The following SOD2 variants were observed in gnomAD, a reference collection of about 807,000 sequenced individuals.
SOD2 encodes the protein superoxide dismutase 2.
In SOD2, 11 loss-of-function variants were observed where a neutral mutation model predicts 27.0. The observed-to-expected ratio is 0.41, with a 90% CI of 0.26 to 0.67. SOD2 has a LOEUF of 0.67. Ranked by LOEUF, SOD2 falls within the 30% of genes least tolerant of loss-of-function variation. SOD2 has a pLI of 0.34. For missense variants in SOD2, 250 were observed against 274.5 expected (o/e 0.91, Z 0.63); for synonymous variants, 105 against 103.0 (o/e 1.02, Z -0.12).
chr6:159,758,256 A>AG (rs1491263143), intron 1 of SOD2, among the ~76,000 whole-genome samples: 11 of 67,786 alleles, frequency 1.6e-4, no homozygotes, highest in African/African-American at 1.1e-3. Context: ...GGCTGCTGTG[A>AG]AAAAAAAAAA....
At chr6:159,722,997 G>C (rs925879192) in intron 1 of SOD2, among the ~76,000 whole-genome samples, 7 of 152,162 alleles carry the variant, frequency 4.6e-5, no homozygotes, top group African/African-American at 1.4e-4. Context: ...CAAGACCATA[G>C]GATGCCAACT....
At chr6:159,754,943 C>T (rs545558280) in intron 1 of SOD2, 3 of 1,345,048 alleles carry the variant, frequency 2.2e-6, no homozygotes, top group Non-Finnish European at 3.0e-6. Flanking sequence ...CGTTTATTGA[C>T]TCCCTTGCTT....
intron 1 of SOD2, among the ~76,000 whole-genome samples, chr6:159,712,333 C>CATAA: frequency 2.0e-5 from 3 of 146,890 alleles, no homozygotes; most frequent in Admixed American, 6.8e-5. Flanking sequence ...CTCTGATCAC[C>CATAA]CTAACCACCT....
At chr6:159,727,377 C>CA (rs749516659), upstream of SOD2, 24 of 536,514 alleles carry the variant, frequency 4.5e-5, 1 homozygote, top group South Asian at 2.3e-4. Context: ...GGGAGGCTGG[C>CA]GGGAGGCGGG....
chr6:159,756,958 T>C (rs939763234), intron 1 of SOD2, among the ~76,000 whole-genome samples: 7 of 152,174 alleles, frequency 4.6e-5, no homozygotes, highest in African/African-American at 1.7e-4. Flanking sequence ...TGATTTCAAG[T>C]AGAGTATCTT....
chr6:159,761,932 C>T (rs2114971570), exon 1 of SOD2: 2 of 900,124 alleles, frequency 2.2e-6, no homozygotes, highest in Admixed American at 2.2e-5. Context: ...CTTGCGCCTG[C>T]GCACAGTGGG....
intron 1 of SOD2, among the ~76,000 whole-genome samples, chr6:159,737,948 A>G (rs762606084): frequency 2.6e-5 from 4 of 151,446 alleles, no homozygotes; most frequent in Admixed American, 1.3e-4. Flanking sequence ...AGTTGCAAAT[A>G]AATGTACAGA....
At position 159,682,339 on chromosome 6, in the gene SOD2, G is replaced by C. The variant is rs1244536678; in HGVS notation, c.*154C>G. The stretch of plus-strand genomic sequence containing the variant: ...TGCCCAATAACAAAATGTTTAGTAA[G>C]AAATTATTCAGAACATTAAGTTGTT... On this transcript the variant is annotated 3_prime_UTR_variant, in exon 5 of 5. Transcript: ENST00000538183. 2 of 536,366 alleles carry C rather than the reference G, an allele frequency of 3.7e-6. No homozygotes were observed. The highest frequency in any genetic ancestry group is 6.8e-5 in the East Asian group (2 of 29,198). 33.2% of individuals were successfully genotyped at this position (536,366 alleles called of 1,614,324 possible). A position where few individuals can be genotyped will look rare whatever the true frequency, so the allele number is the denominator to read the frequency against.
In SOD2 at chr6:159,714,075, C is replaced by CTA. The variant is rs1306792073; in HGVS notation, c.-116+13052_-116+13053dup. 18 of 605,336 alleles carry CTA rather than the reference C, an allele frequency of 3.0e-5. No individual in the cohort carries two copies. The African/African-American group carries it at 3.3e-4, about 11-fold the overall frequency. The allele number at this position is 605,336 out of a possible 1,614,324, so 37.5% of individuals were successfully genotyped here. On this transcript the variant is annotated intron_variant, in intron 1 of 2. Coordinates refer to the SOD2 transcript ENST00000401980. ...TATCCTCCTTCTGCCTTCAAATGGG[C>CTA]TATAGCAAGATGACAAGCAGAACTA...
upstream of SOD2, among the ~76,000 whole-genome samples, chr6:159,693,534 G>A (rs1339599279): frequency 1.3e-5 from 2 of 152,152 alleles, no homozygotes; most frequent in African/African-American, 2.4e-5. Context: ...GGCGGCCCCT[G>A]CCCCCGTGGA....
intron 1 of SOD2, among the ~76,000 whole-genome samples, chr6:159,711,659 T>C (rs1296773151): frequency 8.2e-5 from 4 of 49,078 alleles, no homozygotes; most frequent in African/African-American, 1.6e-4. Flanking sequence ...ATACCACCAC[T>C]CACATTGCTC....
chr6:159,727,313 C>T (rs1166364851), exon 1 of SOD2: 3 of 1,272,282 alleles, frequency 2.4e-6, no homozygotes, highest in East Asian at 5.8e-5. Context: ...ACTGCGGCCA[C>T]GCCTGAAAGG....
intron 1 of SOD2, among the ~76,000 whole-genome samples, chr6:159,737,775 A>G (rs192287926): frequency 4.6e-5 from 7 of 152,330 alleles, no homozygotes; most frequent in Admixed American, 1.3e-4. Flanking sequence ...CATGAGCCAC[A>G]ATGCCCAGCC....
At chr6:159,754,815 C>A (rs573764191) in intron 1 of SOD2, among the ~76,000 whole-genome samples, 1 of 152,052 alleles carries the variant, frequency 6.6e-6, no homozygotes, top group Non-Finnish European at 1.5e-5. Flanking sequence ...TGTGGAGGGC[C>A]AACTGTATAT....
rs748336030 is a variant in SOD2 at position 159,685,046 on chromosome 6, A to G, written c.344-13T>C. ...TCCAGCAACTCCCCTATTAAAAAAAAAATCCAAAACCACCCACAAATGAAC... is the reference window on the plus strand; with the variant it reads ...TCCAGCAACTCCCCTATTAAAAAAAGAATCCAAAACCACCCACAAATGAAC... On this transcript the variant is annotated splice_polypyrimidine_tract_variant and intron_variant, in intron 3 of 4. Transcript: ENST00000538183. The G allele has an allele frequency of 3.8e-6, 6 of 1,575,174 alleles. No homozygotes were observed. The East Asian group carries it at 1.4e-4, about 35-fold the overall frequency.
Position 159,688,099 on chromosome 6 carries a change from GATAAGGGTGCACCA to G in SOD2, c.343+13_343+26del. 3.4e-6 allele frequency: 4 copies of G among 1,177,984 alleles called. No individual in the cohort carries two copies. In the South Asian group the frequency reaches 4.9e-5, roughly 14 times the overall value. The allele number at this position is 1,177,984 out of a possible 1,614,324, so 73.0% of individuals were successfully genotyped here. On this transcript the variant is annotated intron_variant, in intron 3 of 4. Coordinates refer to ENST00000538183, the MANE Select transcript of SOD2 (RefSeq NM_000636.4). ...CGATTCCTACTGTGCACAAAATGTA[GATAAGGGTGCACCA>G]ATATATACCAACCTTTGGGTTCTCC... is the stretch of plus-strand genomic sequence containing the variant.
chr6:159,744,682 G>T (rs576004388), intron 1 of SOD2, among the ~76,000 whole-genome samples: 63 of 152,232 alleles, frequency 4.1e-4, no homozygotes, highest in African/African-American at 1.5e-3. Context: ...TTTGCTAAAG[G>T]CTGGCTTTTA....
intron 1 of SOD2, among the ~76,000 whole-genome samples, chr6:159,712,247 ACCCTAACCACCT>A (rs1777812395): frequency 8.8e-6 from 1 of 113,988 alleles, no homozygotes; most frequent in Non-Finnish European, 1.9e-5. Flanking sequence ...TGCTCTGATC[ACCCTAACCACCT>A]CCATAACCAC....
chr6:159,743,390 T>C (rs1779379651), intron 1 of SOD2, among the ~76,000 whole-genome samples: 1 of 152,232 alleles, frequency 6.6e-6, no homozygotes, highest in Non-Finnish European at 1.5e-5. Flanking sequence ...AATCAGGATT[T>C]TGTGAATACT....
Sources: gnomAD v4.1 joint callset for allele counts (sites outside exome capture counted in the v4.1 genomes callset) on GRCh38, gnomAD v4.1.1 for gene constraint, MANE v1.5 for transcripts, NCBI Gene and HGNC (gene_info 2026-07-23, HGNC 2026-07-21) for gene names.